ZHX2: variants seen among roughly 807,000 people sequenced by gnomAD.
The protein encoded by ZHX2 is zinc fingers and homeoboxes protein 2.
ZHX2 carries 6 observed loss-of-function variants against 21.9 expected under a neutral mutation model. That is an observed-to-expected ratio of 0.27 (90% CI 0.15 to 0.54). The LOEUF (loss-of-function observed/expected upper bound fraction) is 0.54. Among genes scored for constraint, ZHX2 ranks in the 20% least tolerant of loss-of-function variants. The pLI, the probability that ZHX2 is intolerant of heterozygous loss-of-function variation, is 0.95. For missense variants in ZHX2, 908 were observed against 1,090.7 expected (o/e 0.83, Z 2.36); for synonymous variants, 434 against 437.1 (o/e 0.99, Z 0.09).
At chr8:122,898,592 A>C (rs1485214742) in intron 2 of ZHX2, among the ~76,000 whole-genome samples, 1 of 152,140 alleles carries the variant, frequency 6.6e-6, no homozygotes, top group South Asian at 2.1e-4. Context: ...ACATTTTAGG[A>C]TTATTTTGCT....
At chr8:122,895,800 A>G (rs897545396) in intron 2 of ZHX2, among the ~76,000 whole-genome samples, 1 of 151,906 alleles carries the variant, frequency 6.6e-6, no homozygotes, top group Non-Finnish European at 1.5e-5. Flanking sequence ...ATATTCTGCT[A>G]TTGAACCATC....
chr8:122,786,551 C>G (rs182618290), intron 1 of ZHX2, among the ~76,000 whole-genome samples: 4 of 152,322 alleles, frequency 2.6e-5, no homozygotes, highest in African/African-American at 9.6e-5. Context: ...GCTTAGCACA[C>G]ACCTCACATG....
chr8:122,954,345 C>T (rs1813237067), intron 3 of ZHX2, among the ~76,000 whole-genome samples: 1 of 151,976 alleles, frequency 6.6e-6, no homozygotes, highest in African/African-American at 2.4e-5. Flanking sequence ...TCTTGCTCTG[C>T]CACCCAGGCT....
rs766432096 is a variant in ZHX2, at chr8:122,951,933, G to A, written c.423G>A (p.Leu141=). 8 of 1,613,946 alleles carry A rather than the reference G, an allele frequency of 5.0e-6. No individual in the cohort carries two copies. Among genetic ancestry groups the A allele is most frequent in the Middle Eastern group, 1.6e-4 (1 of 6,062 alleles). ...ATCCCGGGGAGGCCAACTTCAAGCT[G>A]AAGTTAATTAAACGCAATAATCAAA... is the stretch of plus-strand genomic sequence containing the variant. ...KFHPGEANFK[L]KLIKRNNQTV... Residue 141 remains leucine, a synonymous_variant, in exon 3 of 4, where the codon CTG becomes CTA. Coordinates refer to ENST00000314393, the MANE Select transcript of ZHX2 (RefSeq NM_014943.5).
chr8:122,868,685 A>G (rs867113927), intron 2 of ZHX2, among the ~76,000 whole-genome samples: 48 of 138,752 alleles, frequency 3.5e-4, no homozygotes, highest in Middle Eastern at 6.9e-3. Flanking sequence ...TGGGTGGCAG[A>G]GCAAGACTCC....
At position 122,898,717 on chromosome 8, in the gene ZHX2, G is replaced by A. The variant is rs997834417; in HGVS notation, c.-220+35178G>A. ...AGAATTGCTCTAAGCACTTACCTGT[G>A]TTAACTCATTAAAGCTTCACAATAA... On this transcript the variant is annotated intron_variant, in intron 2 of 3. Transcript: ENST00000314393. Among the ~76,000 whole-genome samples the A allele has an allele frequency of 6.6e-5, 10 of 152,234 alleles. No individual in the cohort carries two copies. In the East Asian group the frequency reaches 7.7e-4, roughly 12 times the overall value.
chr8:122,889,638 T>C (rs546150960), intron 2 of ZHX2, among the ~76,000 whole-genome samples: 2 of 152,346 alleles, frequency 1.3e-5, no homozygotes, highest in South Asian at 4.1e-4. Flanking sequence ...GGATGAATAG[T>C]TTGCAAACAT....
intron 2 of ZHX2, among the ~76,000 whole-genome samples, chr8:122,932,598 C>G (rs1263501757): frequency 6.6e-6 from 1 of 152,204 alleles, no homozygotes; most frequent in Non-Finnish European, 1.5e-5. Flanking sequence ...CCATTGTACT[C>G]CAGCCTGTGT....
intron 1 of ZHX2, among the ~76,000 whole-genome samples, chr8:122,833,367 A>G (rs1818420776): frequency 6.6e-6 from 1 of 152,030 alleles, no homozygotes; most frequent in Non-Finnish European, 1.5e-5. Context: ...GAGAAATGAT[A>G]GGCTTTAGGC....
chr8:122,902,441 T>C (rs1820255276), intron 2 of ZHX2, among the ~76,000 whole-genome samples: 1 of 152,230 alleles, frequency 6.6e-6, no homozygotes, highest in Non-Finnish European at 1.5e-5. Flanking sequence ...TCCTCAGCTG[T>C]ACATTGGGGA....
At chr8:122,877,897 G>A (rs10108850) in intron 2 of ZHX2, among the ~76,000 whole-genome samples, 105 of 152,300 alleles carry the variant, frequency 6.9e-4, no homozygotes, top group Non-Finnish European at 1.3e-3. Flanking sequence ...GTGGGAGCTT[G>A]TCTTAAACAA....
At position 122,828,334 on chromosome 8, in the gene ZHX2, G is replaced by A. The variant is rs764892739; in HGVS notation, c.-282-35143G>A. 7.9e-5 allele frequency among the ~76,000 whole-genome samples: 12 copies of A among 152,216 alleles called. No individual in the cohort carries two copies. Among genetic ancestry groups the A allele is most frequent in the Admixed American group, 3.3e-4 (5 of 15,280 alleles). On this transcript the variant is annotated intron_variant, in intron 1 of 3. Transcript: ENST00000314393. The surrounding 1 kb of genome is among the most constrained non-coding windows in gnomAD (Gnocchi z 5.2). ...GAAAGTATCTGTACAGTGCATGTGC[G>A]TGTGTGTGTTAGTGATATGGAGGAA...
At chr8:122,905,961 T>C (rs994546474) in intron 2 of ZHX2, among the ~76,000 whole-genome samples, 3 of 152,234 alleles carry the variant, frequency 2.0e-5, no homozygotes. Context: ...CAGCTTCTCT[T>C]AGATAGTTTT....
At chr8:122,799,906 C>G (rs1817683842) in intron 1 of ZHX2, among the ~76,000 whole-genome samples, 1 of 152,108 alleles carries the variant, frequency 6.6e-6, no homozygotes, top group Non-Finnish European at 1.5e-5. Flanking sequence ...TCTTGTTGCC[C>G]AGGCTGGAGG....
intron 2 of ZHX2, among the ~76,000 whole-genome samples, chr8:122,904,459 T>A (rs1301113644): frequency 6.6e-6 from 1 of 152,116 alleles, no homozygotes; most frequent in Non-Finnish European, 1.5e-5. Flanking sequence ...AATGGTAACC[T>A]GGCCTTATCC....
At chr8:122,897,829 C>T (rs1299983332) in intron 2 of ZHX2, among the ~76,000 whole-genome samples, 1 of 152,116 alleles carries the variant, frequency 6.6e-6, no homozygotes, top group African/African-American at 2.4e-5. Context: ...CACACAGGGA[C>T]AAATCCCCAC....
At chr8:122,840,459 T>C (rs766036736) in intron 1 of ZHX2, among the ~76,000 whole-genome samples, 5 of 152,236 alleles carry the variant, frequency 3.3e-5, no homozygotes, top group East Asian at 1.9e-4. Context: ...AATGATAGTA[T>C]CTACCTTAAA....
chr8:122,905,571 A>C (rs1320962499), intron 2 of ZHX2, among the ~76,000 whole-genome samples: 2 of 152,238 alleles, frequency 1.3e-5, no homozygotes, highest in Non-Finnish European at 2.9e-5. Flanking sequence ...TTAGAACATC[A>C]GGAAGGAAAG....
intron 2 of ZHX2, among the ~76,000 whole-genome samples, chr8:122,937,933 G>GTTTTTTTTTTTTT (rs71310636): frequency 1.1e-4 from 8 of 73,352 alleles, no homozygotes; most frequent in African/African-American, 1.7e-4. Context: ...TTTCTTTTTG[G>GTTTTTTTTTTTTT]TTTTTTTTTT....
Sources: gnomAD v4.1 joint callset for allele counts (sites outside exome capture counted in the v4.1 genomes callset) on GRCh38, gnomAD v4.1.1 for gene constraint, Gnocchi (gnomAD v3.1) non-coding constraint, MANE v1.5 for transcripts, NCBI Gene and HGNC (gene_info 2026-07-23, HGNC 2026-07-21) for gene names.